The following JAM2 variants were observed in gnomAD, a reference collection of about 807,000 sequenced individuals.
JAM2 encodes the protein junctional adhesion molecule B.
A neutral mutation model predicts 42.0 loss-of-function variants in JAM2; 17 were observed. The observed-to-expected ratio is 0.40, with a 90% confidence interval of 0.28 to 0.61. The LOEUF is 0.61. Ranked by LOEUF, JAM2 falls within the 20% of genes least tolerant of loss-of-function variation. The pLI, the probability that JAM2 is intolerant of heterozygous loss-of-function variation, is 0.37. For missense variants in JAM2, 319 were observed against 358.3 expected (o/e 0.89, Z 0.89); for synonymous variants, 118 against 128.6 (o/e 0.92, Z 0.56).
intron 1 of JAM2, among the ~76,000 whole-genome samples, chr21:25,656,542 A>G (rs180982554): frequency 1.8e-4 from 27 of 152,344 alleles, no homozygotes; most frequent in Admixed American, 7.2e-4. Flanking sequence ...TGGAAGAAGT[A>G]GAGGCATTTA....
chr21:25,645,625 T>A (rs1412304663), intron 1 of JAM2, among the ~76,000 whole-genome samples: 1 of 152,226 alleles, frequency 6.6e-6, no homozygotes, highest in Non-Finnish European at 1.5e-5. Flanking sequence ...CATACACATA[T>A]AACCACTGAC....
At chr21:25,651,963 T>C (rs2032794829) in intron 1 of JAM2, among the ~76,000 whole-genome samples, 1 of 152,230 alleles carries the variant, frequency 6.6e-6, no homozygotes, top group Non-Finnish European at 1.5e-5. Context: ...AGAACAGGAA[T>C]GGAACAGACT....
intron 1 of JAM2, among the ~76,000 whole-genome samples, chr21:25,671,965 T>C (rs1025606961): frequency 6.6e-6 from 1 of 152,210 alleles, no homozygotes; most frequent in Non-Finnish European, 1.5e-5. Context: ...ATTCACTCAG[T>C]AAAGCAGAGA....
intron 1 of JAM2, among the ~76,000 whole-genome samples, chr21:25,671,257 A>T (rs1330285715): frequency 2.0e-5 from 3 of 151,962 alleles, no homozygotes. Flanking sequence ...GAAGCCCAAA[A>T]TTATGTGGAG....
intron 4 of JAM2, among the ~76,000 whole-genome samples, chr21:25,697,862 C>T (rs2034072925): frequency 6.6e-6 from 1 of 151,658 alleles, no homozygotes; most frequent in Admixed American, 6.6e-5. Flanking sequence ...AAACCATGAT[C>T]ACGCCACTGT....
At chr21:25,649,196 G>A (rs772510283) in intron 1 of JAM2, among the ~76,000 whole-genome samples, 66 of 152,120 alleles carry the variant, frequency 4.3e-4, no homozygotes, top group Non-Finnish European at 8.1e-4. Flanking sequence ...GCTTAATCTA[G>A]ACTAGAACAA....
rs190131456 is a variant in JAM2 at position 25,649,174 on chromosome 21, C to G, written c.67+9286C>G. The stretch of plus-strand genomic sequence containing the variant: ...AACTCAGATGAGTCAAACAATACAC[C>G]CCTCAAAAGTTGCTTAATCTAGACT... On this transcript the variant is annotated intron_variant, in intron 1 of 9. Transcript: ENST00000480456. Among the ~76,000 whole-genome samples, 5 of 152,236 alleles carry G rather than the reference C, an allele frequency of 3.3e-5. No homozygotes were observed. In the East Asian group the frequency reaches 9.6e-4, roughly 29 times the overall value.
intron 1 of JAM2, among the ~76,000 whole-genome samples, chr21:25,665,901 G>A (rs777036412): frequency 2.6e-5 from 4 of 152,100 alleles, no homozygotes; most frequent in Non-Finnish European, 5.9e-5. Flanking sequence ...TGAGCCAGGC[G>A]TGGTGGTGCA....
At chr21:25,655,003 C>T (rs1568889902) in intron 1 of JAM2, among the ~76,000 whole-genome samples, 5 of 152,078 alleles carry the variant, frequency 3.3e-5, no homozygotes, top group Admixed American at 2.0e-4. Flanking sequence ...TATCCAGATT[C>T]AAATAAGACA....
intron 5 of JAM2, among the ~76,000 whole-genome samples, chr21:25,699,701 T>C (rs376304580): frequency 1.5e-3 from 174 of 114,678 alleles, no homozygotes; most frequent in African/African-American, 5.0e-3. Context: ...CCAGCCTGGG[T>C]GACAGAGCCA....
chr21:25,694,856 G>T (rs895528298), intron 4 of JAM2, among the ~76,000 whole-genome samples: 2 of 150,154 alleles, frequency 1.3e-5, no homozygotes, highest in African/African-American at 4.9e-5. Flanking sequence ...AAAATAAAAA[G>T]AATCACTGAT....
rs191858554 is a variant in JAM2, at chr21:25,659,125, A to C, written c.67+19237A>C. 2.3e-3 allele frequency among the ~76,000 whole-genome samples: 356 copies of C among 152,338 alleles called. 3 individuals carry two copies. Among genetic ancestry groups the C allele is most frequent in the African/African-American group, 8.3e-3 (347 of 41,586 alleles). ...TGTTCTGAAAATATTATTTAACTAA[A>C]TGGGAGAAATATCCAAAAATGAACA... On this transcript the variant is annotated intron_variant, in intron 1 of 9. Coordinates refer to ENST00000480456, the MANE Select transcript of JAM2 (RefSeq NM_021219.4).
chr21:25,686,603 T>C (rs1056686887), intron 2 of JAM2, among the ~76,000 whole-genome samples: 1 of 152,254 alleles, frequency 6.6e-6, no homozygotes, highest in Non-Finnish European at 1.5e-5. Context: ...AGGGCAGCTC[T>C]GCCAGGCTTG....
At chr21:25,670,330 A>G (rs2033329485) in intron 1 of JAM2, among the ~76,000 whole-genome samples, 1 of 152,022 alleles carries the variant, frequency 6.6e-6, no homozygotes, top group African/African-American at 2.4e-5. Context: ...CAAAAAACAC[A>G]AAAATTAGCC....
chr21:25,692,484 A>G (rs1436939066), intron 3 of JAM2: 1 of 190,168 alleles, frequency 5.3e-6, no homozygotes, highest in Non-Finnish European at 1.1e-5. Context: ...TCTATGGGCC[A>G]TATGACTGTC....
intron 1 of JAM2, among the ~76,000 whole-genome samples, chr21:25,668,007 G>A (rs1194530752): frequency 1.3e-5 from 2 of 152,180 alleles, no homozygotes; most frequent in African/African-American, 2.4e-5. Flanking sequence ...ATTTTATTAA[G>A]GAGGTGTCCT....
chr21:25,660,550 A>G (rs952716680), intron 1 of JAM2, among the ~76,000 whole-genome samples: 11 of 151,784 alleles, frequency 7.2e-5, no homozygotes, highest in South Asian at 2.1e-4. Flanking sequence ...TGTGTGCCAG[A>G]CAGTCCTGCA....
chr21:25,713,022 G>C (rs927120561), intron 9 of JAM2, among the ~76,000 whole-genome samples: 3 of 152,188 alleles, frequency 2.0e-5, no homozygotes, highest in Non-Finnish European at 2.9e-5. Flanking sequence ...GAGACTTCCT[G>C]CTGTGTCCTC....
rs186399860 is a variant in JAM2, at chr21:25,673,983, C to T, written c.68-9900C>T. 6.2e-3 allele frequency among the ~76,000 whole-genome samples: 950 copies of T among 152,302 alleles called. 7 individuals are homozygous for T. Among genetic ancestry groups the T allele is most frequent in the African/African-American group, 8.6e-3 (359 of 41,558 alleles). On this transcript the variant is annotated intron_variant, in intron 1 of 9. Coordinates refer to ENST00000480456, the MANE Select transcript of JAM2 (RefSeq NM_021219.4). ...ATAAGGGGTTTCCCCTTTTGCTTGG[C>T]TCTCATTCTCTCTTGACTGCCGCCA...
Sources: gnomAD v4.1 joint callset for allele counts (sites outside exome capture counted in the v4.1 genomes callset) on GRCh38, gnomAD v4.1.1 for gene constraint, MANE v1.5 for transcripts, NCBI Gene and HGNC (gene_info 2026-07-23, HGNC 2026-07-21) for gene names.